PLEK2: variants seen among roughly 807,000 people sequenced by gnomAD.
The protein encoded by PLEK2 is pleckstrin 2.
In PLEK2, 29 loss-of-function variants were observed where a neutral mutation model predicts 43.8. The observed-to-expected ratio is 0.66, with a 90% CI of 0.49 to 0.90. The LOEUF (loss-of-function observed/expected upper bound fraction) is 0.90. Ranked by LOEUF, PLEK2 falls within the 40% of genes least tolerant of loss-of-function variation. The pLI, the probability that PLEK2 is intolerant of heterozygous loss-of-function variation, is 0.00. For missense variants in PLEK2, 398 were observed against 448.1 expected, an observed-to-expected ratio of 0.89 and a Z score of 1.01; for synonymous variants, 162 against 173.2, an observed-to-expected ratio of 0.94 and a Z score of 0.51.
At position 67,393,713 on chromosome 14, in the gene PLEK2, G is replaced by A. The variant is rs151170138; in HGVS notation, c.390-472C>T. Among the ~76,000 whole-genome samples the A allele has an allele frequency of 2.6e-3, 394 of 152,026 alleles. 8 individuals are homozygous for A. In the East Asian group the frequency reaches 0.049, roughly 19 times the overall value. ...AAGTGATCCGCCTGCCTCAGCCTCC[G>A]AAAGTACTGGGATTACAGGTGTGAG... is the stretch of plus-strand genomic sequence containing the variant. On this transcript the variant is annotated intron_variant, in intron 3 of 8. Coordinates refer to ENST00000216446, the MANE Select transcript of PLEK2 (RefSeq NM_016445.3).
intron 1 of PLEK2, among the ~76,000 whole-genome samples, chr14:67,407,536 G>T (rs1360464482): frequency 6.6e-6 from 1 of 151,750 alleles, no homozygotes; most frequent in Non-Finnish European, 1.5e-5. Context: ...AAACCCCTGG[G>T]CTCAAGCGAT....
chr14:67,396,835 A>G (rs1486021546), intron 2 of PLEK2, among the ~76,000 whole-genome samples: 1 of 152,258 alleles, frequency 6.6e-6, no homozygotes, highest in Non-Finnish European at 1.5e-5. Context: ...TCCCAATAAA[A>G]TCAGCAACTC....
Position 67,412,046 on chromosome 14 carries a change from A to G in PLEK2, c.14T>C (p.Val5Ala), listed in dbSNP as rs2086118985. 2 of 1,555,710 alleles carry G rather than the reference A, an allele frequency of 1.3e-6. No homozygotes were observed. Among genetic ancestry groups the G allele is most frequent in the Non-Finnish European group, 1.7e-6 (2 of 1,154,070 alleles). The stretch of plus-strand genomic sequence containing the variant: ...CTTGACCAGGAAGCCCTCCTTGAGC[A>G]CGCCGTCCTCCATGTCGCCGCCCGC... MEDG[V>A]LKEGFLVKRG... Residue 5 changes from valine to alanine, a missense_variant, in exon 1 of 9, where the codon GTG becomes GCG. Val to Ala is a moderately conservative substitution (Grantham distance 64). Transcript: ENST00000216446.
At chr14:67,396,810 A>G (rs1017760221) in intron 2 of PLEK2, among the ~76,000 whole-genome samples, 6 of 152,228 alleles carry the variant, frequency 3.9e-5, no homozygotes, top group Admixed American at 2.0e-4. Flanking sequence ...ATATTTTTCA[A>G]TTAACCACTT....
At chr14:67,394,177 CTA>C (rs2085990009) in intron 3 of PLEK2, among the ~76,000 whole-genome samples, 1 of 152,162 alleles carries the variant, frequency 6.6e-6, no homozygotes, top group Non-Finnish European at 1.5e-5. Flanking sequence ...TCTTATATTT[CTA>C]TGCCAGACAC....
chr14:67,405,874 A>G (rs2086075156), intron 1 of PLEK2, among the ~76,000 whole-genome samples: 1 of 152,198 alleles, frequency 6.6e-6, no homozygotes, highest in South Asian at 2.1e-4. Context: ...TCTTGGCTGC[A>G]GCCTCACGAG....
At chr14:67,398,439 G>A (rs556650847) in intron 1 of PLEK2, among the ~76,000 whole-genome samples, 45 of 152,086 alleles carry the variant, frequency 3.0e-4, no homozygotes, top group Middle Eastern at 3.4e-3. Context: ...TCTGCCCATT[G>A]GCTCTACCAC....
intron 4 of PLEK2, 44 bp from the exon 5 acceptor site, chr14:67,392,893 C>A (rs376831704): frequency 6.6e-7 from 1 of 1,512,146 alleles, no homozygotes; most frequent in African/African-American, 1.4e-5. Context: ...GATGGACCAG[C>A]GTCCTTGGGG....
chr14:67,404,740 G>T (rs542578439), intron 1 of PLEK2, among the ~76,000 whole-genome samples: 39 of 151,900 alleles, frequency 2.6e-4, no homozygotes, highest in African/African-American at 8.9e-4. Flanking sequence ...AGCCTGGGAG[G>T]TCGAGGCTGC....
At chr14:67,404,485 G>A (rs1376436559) in intron 1 of PLEK2, among the ~76,000 whole-genome samples, 1 of 152,000 alleles carries the variant, frequency 6.6e-6, no homozygotes, top group Admixed American at 6.6e-5. Context: ...CAAACCTCTA[G>A]TAGTAGTATT....
intron 7 of PLEK2, among the ~76,000 whole-genome samples, chr14:67,389,730 C>A (rs1463123517): frequency 1.3e-5 from 2 of 151,282 alleles, no homozygotes; most frequent in Non-Finnish European, 2.9e-5. Flanking sequence ...GTAGGTTAGG[C>A]TAGACCATGG....
At chr14:67,393,049 G>T in intron 4 of PLEK2, 101 bp downstream of exon 4, 1 of 991,304 alleles carries the variant, frequency 1.0e-6, no homozygotes, top group Non-Finnish European at 1.6e-6. Flanking sequence ...TGCCCAGCAG[G>T]CAGCTCTGAC....
At chr14:67,399,550 G>C (rs1316568458) in intron 1 of PLEK2, among the ~76,000 whole-genome samples, 7 of 147,172 alleles carry the variant, frequency 4.8e-5, no homozygotes, top group African/African-American at 1.8e-4. Flanking sequence ...TAAAGAGAAG[G>C]GTAGTTTAGG....
rs1375734345 is a variant in PLEK2, at chr14:67,412,151, C to T, written c.-92G>A. The T allele has an allele frequency of 1.6e-5, 19 of 1,172,604 alleles. No individual in the cohort carries two copies. Among genetic ancestry groups the T allele is most frequent in the Non-Finnish European group, 2.0e-5 (18 of 893,072 alleles). 72.6% of individuals were successfully genotyped at this position (1,172,604 alleles called of 1,614,324 possible). On this transcript the variant is annotated 5_prime_UTR_variant, in exon 1 of 9. The change creates a new upstream start codon in the 5' untranslated region. Coordinates refer to ENST00000216446, the MANE Select transcript of PLEK2 (RefSeq NM_016445.3). ...GCGCAGCCCGCGCAGTCCGCGCCCA[C>T]GGCGCCCAGGAAGCAGCTCCGACGC...
intron 1 of PLEK2, among the ~76,000 whole-genome samples, chr14:67,400,186 A>G (rs2086038375): frequency 6.6e-6 from 1 of 152,214 alleles, no homozygotes; most frequent in South Asian, 2.1e-4. Context: ...CTTGAGCCCA[A>G]ACAGAATTTA....
chr14:67,396,171 G>C (rs370243013), intron 2 of PLEK2, among the ~76,000 whole-genome samples: 2 of 147,234 alleles, frequency 1.4e-5, no homozygotes, highest in African/African-American at 2.6e-5. Flanking sequence ...TTCTTGAGAC[G>C]GAGTCTTGCT....
At chr14:67,389,646 ATG>A (rs1476327888) in intron 7 of PLEK2, among the ~76,000 whole-genome samples, 1 of 152,042 alleles carries the variant, frequency 6.6e-6, no homozygotes. Context: ...ATAGGCACGT[ATG>A]TGTGTGTATA....
intron 8 of PLEK2, among the ~76,000 whole-genome samples, 181 bp from the exon 9 acceptor site, chr14:67,387,637 C>G (rs1380217706): frequency 1.3e-5 from 2 of 152,210 alleles, no homozygotes; most frequent in Non-Finnish European, 2.9e-5. Flanking sequence ...CATTCCCTGT[C>G]CCTCACCAGT....
chr14:67,390,564 G>A, intron 7 of PLEK2, 99 bp downstream of exon 7: 2 of 837,390 alleles, frequency 2.4e-6, no homozygotes, highest in African/African-American at 1.6e-5. Context: ...GGGTGCCAGG[G>A]GAAGGCAGGA....
Sources: gnomAD v4.1 joint callset for allele counts (sites outside exome capture counted in the v4.1 genomes callset) on GRCh38, gnomAD v4.1.1 for gene constraint, MANE v1.5 for transcripts, NCBI Gene and HGNC (gene_info 2026-07-23, HGNC 2026-07-21) for gene names.